CSMD3: variants seen among roughly 807,000 people sequenced by gnomAD.
The protein encoded by CSMD3 is CUB and Sushi multiple domains 3.
Under a neutral mutation model 435.2 loss-of-function variants are expected in CSMD3, and 177 were observed. The ratio of observed to expected loss-of-function variants is 0.41; its 90% confidence interval spans 0.36 to 0.46. CSMD3 has a LOEUF of 0.46. Ranked by LOEUF, CSMD3 falls within the 20% of genes least tolerant of loss-of-function variation. CSMD3 has a pLI of 0.34. For synonymous variants in CSMD3, 1,656 were observed against 1,520.5 expected, an observed-to-expected ratio of 1.09 and a Z score of -2.07; for missense variants, 4,265 against 4,504.6, an observed-to-expected ratio of 0.95 and a Z score of 1.52.
intron 11 of CSMD3, among the ~76,000 whole-genome samples, chr8:112,846,374 C>T (rs1301173370): frequency 7.0e-6 from 1 of 143,862 alleles, no homozygotes; most frequent in African/African-American, 2.6e-5. Context: ...TCCTTCCCTC[C>T]TTCCTTCCTT....
chr8:112,871,353 C>T (rs548161264), intron 10 of CSMD3, among the ~76,000 whole-genome samples: 1 of 152,210 alleles, frequency 6.6e-6, no homozygotes, highest in African/African-American at 2.4e-5. Context: ...TTTCCAAATA[C>T]TTCTAATAAA....
chr8:113,227,455 C>G (rs1348389794), intron 3 of CSMD3, among the ~76,000 whole-genome samples: 2 of 151,488 alleles, frequency 1.3e-5, no homozygotes, highest in Non-Finnish European at 3.0e-5. Context: ...AGAAATATAA[C>G]TTTATAAGGA....
intron 8 of CSMD3, among the ~76,000 whole-genome samples, chr8:112,950,715 G>C (rs560586736): frequency 7.7e-4 from 117 of 151,986 alleles, no homozygotes; most frequent in African/African-American, 2.6e-3. Flanking sequence ...TGTGTCCAAA[G>C]TCATACTGCT....
chr8:112,238,691 T>TATAAATTTTTAAATTTATAA (rs1813828707), intron 66 of CSMD3, among the ~76,000 whole-genome samples: 1 of 151,368 alleles, frequency 6.6e-6, no homozygotes, highest in Admixed American at 6.6e-5. Context: ...TGTTAAGAAT[T>TATAAATTTTTAAATTTATAA]TTTAAAAATT....
At chr8:113,334,364 C>T (rs2094053953) in intron 1 of CSMD3, among the ~76,000 whole-genome samples, 1 of 137,012 alleles carries the variant, frequency 7.3e-6, no homozygotes, top group Non-Finnish European at 1.5e-5. Flanking sequence ...TGTATAATCT[C>T]TTAATATGGT....
At chr8:112,900,902 A>G (rs1479373079) in intron 10 of CSMD3, among the ~76,000 whole-genome samples, 1 of 151,140 alleles carries the variant, frequency 6.6e-6, no homozygotes, top group East Asian at 2.0e-4. Context: ...TGAGTATTAT[A>G]AGGTAGAATC....
chr8:113,086,640 G>T (rs1351986501), intron 5 of CSMD3, among the ~76,000 whole-genome samples: 1 of 152,128 alleles, frequency 6.6e-6, no homozygotes, highest in African/African-American at 2.4e-5. Context: ...TATCTACTGA[G>T]TATAACAGTG....
intron 13 of CSMD3, among the ~76,000 whole-genome samples, chr8:112,702,798 G>A (rs1274898921): frequency 6.6e-6 from 1 of 152,026 alleles, no homozygotes; most frequent in Non-Finnish European, 1.5e-5. Flanking sequence ...GCTGTGTCCT[G>A]TTAGTGAAAG....
At chr8:112,361,205 C>T (rs968659657) in intron 38 of CSMD3, among the ~76,000 whole-genome samples, 6 of 151,620 alleles carry the variant, frequency 4.0e-5, no homozygotes, top group East Asian at 1.9e-4. Context: ...AAAATTATGC[C>T]GTTGGCAACC....
chr8:112,598,432 G>T, intron 22 of CSMD3, among the ~76,000 whole-genome samples: 1 of 148,306 alleles, frequency 6.7e-6, no homozygotes, highest in Non-Finnish European at 1.5e-5. Flanking sequence ...TTGTGAAAAT[G>T]GCCATACTGC....
At chr8:112,882,272 T>C (rs2081470179) in intron 10 of CSMD3, among the ~76,000 whole-genome samples, 2 of 151,910 alleles carry the variant, frequency 1.3e-5, no homozygotes, top group South Asian at 4.1e-4. Flanking sequence ...AGACCACATG[T>C]CTCCCCAGGT....
intron 32 of CSMD3, among the ~76,000 whole-genome samples, chr8:112,458,193 G>A (rs1817036377): frequency 3.1e-5 from 3 of 97,554 alleles, no homozygotes; most frequent in Non-Finnish European, 7.6e-5. Context: ...CTTCAAATAC[G>A]TACACACACA....
rs758281384 is a variant in CSMD3, at chr8:112,877,752, G to T, written c.1634-18486C>A. ...CCAATGGAACAGAACAGAGTCCTCA[G>T]AAATAACACCACACATCTACAACCA... On this transcript the variant is annotated intron_variant, in intron 10 of 70. Transcript: ENST00000297405. 1.3e-3 allele frequency among the ~76,000 whole-genome samples: 198 copies of T among 152,240 alleles called. 1 individual carries two copies. The highest frequency in any genetic ancestry group is 1.6e-3 in the Non-Finnish European group (109 of 68,032).
intron 32 of CSMD3, among the ~76,000 whole-genome samples, chr8:112,432,548 A>G (rs1184625884): frequency 1.3e-5 from 2 of 152,058 alleles, no homozygotes; most frequent in African/African-American, 4.8e-5. Context: ...CCTGGGCTCA[A>G]GTTTTCCTCC....
intron 4 of CSMD3, among the ~76,000 whole-genome samples, chr8:113,127,174 A>T (rs1351788878): frequency 6.6e-6 from 1 of 152,030 alleles, no homozygotes; most frequent in East Asian, 1.9e-4. Context: ...TGCTCCCAAG[A>T]GGTGTCTAGT....
intron 1 of CSMD3, among the ~76,000 whole-genome samples, chr8:113,393,265 C>A (rs1472252470): frequency 6.6e-6 from 1 of 151,864 alleles, no homozygotes; most frequent in Non-Finnish European, 1.5e-5. Flanking sequence ...ATTTTGAAAG[C>A]TAATTAGATA....
At chr8:112,346,685 TTTTTTTTTTTTTG>T (rs1431031131) in intron 40 of CSMD3, among the ~76,000 whole-genome samples, 1 of 75,686 alleles carries the variant, frequency 1.3e-5, no homozygotes. Flanking sequence ...TTTTTTTTTT[TTTTTTTTTTTTTG>T]GAGAAGGAGT....
intron 5 of CSMD3, among the ~76,000 whole-genome samples, chr8:113,090,560 T>G (rs1011873756): frequency 2.0e-5 from 3 of 152,074 alleles, no homozygotes; most frequent in African/African-American, 7.2e-5. Context: ...TGAATAAAAT[T>G]TATGGATAAA....
chr8:112,774,953 T>A (rs1017135268), intron 13 of CSMD3, among the ~76,000 whole-genome samples: 12 of 151,910 alleles, frequency 7.9e-5, no homozygotes, highest in Non-Finnish European at 1.3e-4. Flanking sequence ...GCTCCCTCCT[T>A]GTTACCATTA....
Sources: allele counts gnomAD v4.1 joint callset (sites outside exome capture counted in the v4.1 genomes callset), GRCh38; gene constraint gnomAD v4.1.1; transcripts MANE v1.5; gene names NCBI Gene and HGNC (gene_info 2026-07-23, HGNC 2026-07-21).